Variants in HNRNPH1 observed in about 807,000 individuals in gnomAD.
HNRNPH1 encodes heterogeneous nuclear ribonucleoprotein H1, also known as heterogeneous nuclear ribonucleoprotein H.
A neutral mutation model predicts 58.6 loss-of-function variants in HNRNPH1; 4 were observed. That is an observed-to-expected ratio of 0.07 (90% CI 0.03 to 0.16). The LOEUF is 0.16. Among genes scored for constraint, HNRNPH1 ranks in the 10% least tolerant of loss-of-function variants. HNRNPH1 has a pLI of 1.00. For missense variants in HNRNPH1, 271 were observed against 564.2 expected, an observed-to-expected ratio of 0.48 and a Z score of 5.26; for synonymous variants, 192 against 189.2, an observed-to-expected ratio of 1.01 and a Z score of -0.12.
At chr5:179,614,481 G>A (rs1430590047) in exon 13 of HNRNPH1, 1 of 159,958 alleles carries the variant, frequency 6.3e-6, no homozygotes, top group African/African-American at 2.4e-5. Context: ...ATAAAAGCAT[G>A]TCTTTCAACA....
intron 11 of HNRNPH1, 90 bp downstream of exon 12, chr5:179,616,036 G>GT: frequency 8.6e-7 from 1 of 1,157,480 alleles, no homozygotes; most frequent in African/African-American, 1.5e-5. Flanking sequence ...TCTAAGTACA[G>GT]TAACAGGCTT....
rs1415260803 is a variant in HNRNPH1, at chr5:179,624,585, A to C, written c.-1452T>G. On this transcript the variant is annotated 5_prime_UTR_variant, in exon 1 of 13. Transcript: ENST00000356731. ...AAGAGTGCGTCCATTCACCAGGCGTAGACGCTGCATTCGAGGAGGCCCCCG... is the reference window on the plus strand; with the variant it reads ...AAGAGTGCGTCCATTCACCAGGCGTCGACGCTGCATTCGAGGAGGCCCCCG... The C allele has an allele frequency of 7.5e-6, 3 of 398,668 alleles. No homozygotes were observed. In the South Asian group the frequency reaches 3.8e-4, roughly 51 times the overall value. The allele number at this position is 398,668 out of a possible 1,614,324, so 24.7% of individuals were successfully genotyped here. A position where few individuals can be genotyped will look rare whatever the true frequency, so the allele number is the denominator to read the frequency against.
chr5:179,618,311 G>C, exon 5 of HNRNPH1: 1 of 1,609,754 alleles, frequency 6.2e-7, no homozygotes, highest in Non-Finnish European at 8.5e-7. Flanking sequence ...TGCTCTTAAA[G>C]ATTTCAATAT....
intron 2 of HNRNPH1, among the ~76,000 whole-genome samples, chr5:179,632,167 G>C (rs1006559215): frequency 2.6e-5 from 4 of 152,124 alleles, no homozygotes; most frequent in African/African-American, 9.7e-5. Context: ...AATTATCCGG[G>C]CGTGGTGGCG....
intron 8 of HNRNPH1, 89 bp downstream of exon 9, chr5:179,617,425 T>C: frequency 2.1e-6 from 3 of 1,415,428 alleles, no homozygotes; most frequent in Non-Finnish European, 2.9e-6. Context: ...AGGAAACTTC[T>C]CATATATCCT....
At chr5:179,617,953 G>A (rs1451946875) in intron 6 of HNRNPH1, 21 bp from the exon 8 acceptor site, 2 of 1,614,028 alleles carry the variant, frequency 1.2e-6, no homozygotes, top group Admixed American at 3.3e-5. Flanking sequence ...AAGAGTGTAA[G>A]CATCCTTCAA....
chr5:179,628,676 C>A (rs920634915), upstream of HNRNPH1, among the ~76,000 whole-genome samples: 1 of 152,162 alleles, frequency 6.6e-6, no homozygotes, highest in Non-Finnish European at 1.5e-5. Context: ...CATGGTGGCT[C>A]ACCCTGTACT....
intron 8 of HNRNPH1, 127 bp downstream of exon 9, chr5:179,617,387 T>A: frequency 8.9e-7 from 1 of 1,123,116 alleles, no homozygotes; most frequent in Non-Finnish European, 1.3e-6. Context: ...TGCCCCCGCA[T>A]CCCCCAAGAA....
At chr5:179,626,049 A>G (rs961789524), upstream of HNRNPH1, among the ~76,000 whole-genome samples, 27 of 152,042 alleles carry the variant, frequency 1.8e-4, no homozygotes, top group African/African-American at 6.5e-4. Flanking sequence ...TCAGCCTCGC[A>G]GAGAAAGTGC....
intron 1 of HNRNPH1, chr5:179,621,629 AGAAT>A (rs1407151720): frequency 1.8e-6 from 1 of 544,952 alleles, no homozygotes. Context: ...AAGCAGTTTC[AGAAT>A]GAATTTATCT....
intron 10 of HNRNPH1, chr5:179,616,536 T>C: frequency 3.9e-6 from 2 of 513,478 alleles, no homozygotes; most frequent in Non-Finnish European, 6.9e-6. Flanking sequence ...CTCAGTTTGA[T>C]ACATCAAAGG....
At chr5:179,614,925 A>G (rs1178567585) in exon 13 of HNRNPH1, 1 of 1,549,668 alleles carries the variant, frequency 6.5e-7, no homozygotes, top group Non-Finnish European at 8.7e-7. Context: ...GGCTTCCACT[A>G]CTGTAGTAGC....
chr5:179,614,838 C>G (rs1450194387), exon 13 of HNRNPH1: 10 of 1,136,422 alleles, frequency 8.8e-6, no homozygotes, highest in African/African-American at 1.6e-5. Context: ...CAGGATCGAT[C>G]AATTACATTC....
exon 5 of HNRNPH1, chr5:179,618,282 G>A (rs773514649): frequency 1.9e-6 from 3 of 1,613,732 alleles, no homozygotes; most frequent in Non-Finnish European, 2.5e-6. Context: ...ATCATAATGA[G>A]TTCTAACTTC....
At chr5:179,621,856 AGT>A (rs1772528368) in intron 1 of HNRNPH1, 1 of 441,352 alleles carries the variant, frequency 2.3e-6, no homozygotes, top group Admixed American at 2.6e-5. Context: ...AAAGGGGATC[AGT>A]GTTACCAAGC....
At chr5:179,627,781 G>A (rs1440703074), upstream of HNRNPH1, among the ~76,000 whole-genome samples, 2 of 146,130 alleles carry the variant, frequency 1.4e-5, no homozygotes, top group Non-Finnish European at 3.0e-5. Flanking sequence ...AATTAGCCGG[G>A]CATGGTGGTG....
rs189742120 is a variant in HNRNPH1, at chr5:179,622,690, G to T, written c.97+347C>A. On this transcript the variant is annotated intron_variant, in intron 1 of 12. Coordinates refer to ENST00000356731, the Ensembl canonical transcript of HNRNPH1. Reference sequence around the variant, plus strand: ...CGCGCCACTGCACTCCAGCTTGGGTGACAGAGACTCCAACTCAAAAGAAAA... The same window carrying T: ...CGCGCCACTGCACTCCAGCTTGGGTTACAGAGACTCCAACTCAAAAGAAAA... 1.1e-3 allele frequency among the ~76,000 whole-genome samples: 169 copies of T among 152,276 alleles called. 2 individuals carry two copies. In the South Asian group the frequency reaches 0.014, roughly 12 times the overall value.
chr5:179,614,844 C>A, exon 13 of HNRNPH1: 7 of 1,074,442 alleles, frequency 6.5e-6, no homozygotes, highest in Non-Finnish European at 9.3e-6. Context: ...CGATCAATTA[C>A]ATTCCCCATC....
exon 6 of HNRNPH1, chr5:179,618,056 A>G (rs765065517): frequency 1.5e-5 from 24 of 1,614,098 alleles, no homozygotes; most frequent in South Asian, 9.9e-5. Context: ...CATAGCCTCC[A>G]TAGCCTGAAA....
Sources: gnomAD v4.1 joint callset for allele counts (sites outside exome capture counted in the v4.1 genomes callset) on GRCh38, gnomAD v4.1.1 for gene constraint, MANE v1.5 for transcripts, NCBI Gene and HGNC (gene_info 2026-07-23, HGNC 2026-07-21) for gene names.